Variants in ADAD2 observed in about 807,000 individuals in gnomAD.
ADAD2 encodes adenosine deaminase domain-containing protein 2.
In ADAD2, 60 loss-of-function variants were observed where a neutral mutation model predicts 54.5. The ratio of observed to expected loss-of-function variants is 1.10; its 90% CI spans 0.89 to 1.36. The LOEUF is 1.36. Among genes scored for constraint, ADAD2 ranks in the 40% most tolerant of loss-of-function variants. The probability of loss-of-function intolerance (pLI) is 0.00; values close to 1 mark genes in which losing one functional copy is unlikely to be tolerated. For missense variants in ADAD2, 1,103 were observed against 801.3 expected, an observed-to-expected ratio of 1.38 and a Z score of -4.54; for synonymous variants, 543 against 366.2, an observed-to-expected ratio of 1.48 and a Z score of -5.51.
Position 84,196,939 on chromosome 16 carries a change from C to T in ADAD2, c.1717C>T (p.Pro573Ser). ...LLDQQGLGAW[P>S]SKPLVGKFRN ...GGACCAGCAGGGCCTGGGGGCTTGG[C>T]CCTCGAAGCCACTGGTGGGCAAATT... Residue 573 changes from proline (P) to serine (S), a missense_variant, in exon 10 of 10, where the codon CCC becomes TCC. Physicochemically the swap from Pro to Ser is moderately conservative, Grantham distance 74. Transcript: ENST00000315906. 6.2e-7 allele frequency: 1 copy of T among 1,604,490 alleles called. No individual in the cohort carries two copies. The highest frequency in any genetic ancestry group is 8.5e-7 in the Non-Finnish European group (1 of 1,176,748).
At position 84,191,250 on chromosome 16, in the gene ADAD2, G is replaced by A. The variant is rs146687643; in HGVS notation, c.20G>A (p.Gly7Asp). The A allele has an allele frequency of 1.2e-5, 19 of 1,607,970 alleles. No homozygotes were observed. The highest frequency in any genetic ancestry group is 1.6e-5 in the Non-Finnish European group (19 of 1,177,360). ...GCGGCCATGGCTTCGGCTTCTCAGG[G>A]CGCTGACGACGACGGCAGTCGTAGG... MASASQ[G>D]ADDDGSRRKP... Residue 7 changes from glycine (G) to aspartate (D), a missense_variant, in exon 1 of 10, where the codon GGC becomes GAC. Transcript: ENST00000315906.
rs933501703 is a variant in ADAD2, at chr16:84,191,276, A to T, written c.46A>T (p.Lys16Ter). ...CGCTGACGACGACGGCAGTCGTAGG[A>T]AGCCCCGCCTGGCTGCATCGTTGCA... ...QGADDDGSRR[K>*]PRLAASLQIS... The change falls in exon 1 of 10, where the codon AAG becomes TAG. Residue 16 changes from lysine to a stop codon, truncating the protein, a stop_gained. Transcript: ENST00000315906. LOFTEE classifies it high-confidence loss of function. 3 of 1,588,664 alleles carry T rather than the reference A, an allele frequency of 1.9e-6. No individual in the cohort carries two copies. Among genetic ancestry groups the T allele is most frequent in the Non-Finnish European group, 2.6e-6 (3 of 1,171,064 alleles).
In ADAD2 at chr16:84,195,094, C is replaced by T. The variant is rs2089709150; in HGVS notation, c.633C>T (p.Arg211=). The change falls in exon 4 of 10, where the codon CGC becomes CGT. Residue 211 remains arginine (R), a synonymous_variant. Coordinates refer to ENST00000315906, the MANE Select transcript of ADAD2 (RefSeq NM_001145400.2). ...SVENILTHEQ[R]CAALVSAGFD... ...AGAACATCCTGACCCATGAGCAGCG[C>T]TGCGCAGCGTTGGTGAGCGCCGGCT... 1 of 1,613,610 alleles carries T rather than the reference C, an allele frequency of 6.2e-7. No homozygotes were observed. The highest frequency in any genetic ancestry group is 1.7e-5 in the Admixed American group (1 of 59,994).
Position 84,196,350 on chromosome 16 carries a change from C to T in ADAD2, c.1506C>T (p.Ala502=). ...CTGGCATCGAGGTTGTGGATGTGGCCACCGGGCGTGTGAAGGCCAAGTGAG... is the reference window on the plus strand; with the variant it reads ...CTGGCATCGAGGTTGTGGATGTGGCTACCGGGCGTGTGAAGGCCAAGTGAG... ...GDPGIEVVDV[A]TGRVKANAAL... The change falls in exon 8 of 10, where the codon GCC becomes GCT. Residue 502 remains alanine (A), a synonymous_variant. Coordinates refer to ENST00000315906, the MANE Select transcript of ADAD2 (RefSeq NM_001145400.2). 2 of 1,612,364 alleles carry T rather than the reference C, an allele frequency of 1.2e-6. No individual in the cohort carries two copies. Among genetic ancestry groups the T allele is most frequent in the Non-Finnish European group, 1.7e-6 (2 of 1,179,676 alleles).
At chr16:84,194,215 G>A (rs760743719) in intron 1 of ADAD2, 1 of 1,562,164 alleles carries the variant, frequency 6.4e-7, no homozygotes, top group African/African-American at 1.4e-5. Context: ...TGCTGTGGAG[G>A]AGTTGGGTGA....
intron 1 of ADAD2, chr16:84,191,851 C>T (rs1375355588): frequency 1.3e-6 from 1 of 752,438 alleles, no homozygotes; most frequent in Non-Finnish European, 2.3e-6. Context: ...ACCAGCCACA[C>T]CAGATGCTCA....
At position 84,194,456 on chromosome 16, in the gene ADAD2, T is replaced by A; in HGVS notation, c.433T>A (p.Phe145Ile). Residue 145 changes from phenylalanine to isoleucine, a missense_variant, in exon 2 of 10, where the codon TTC (phenylalanine) becomes ATC (isoleucine). Coordinates refer to ENST00000315906, the MANE Select transcript of ADAD2 (RefSeq NM_001145400.2). ...TCCTTCCCCAGGTCCCTGCTTCCCC[T>A]TCTCGGTGAGCGCGGAACTGGATGG... is the stretch of plus-strand genomic sequence containing the variant. ...EDQPPGPCFP[F>I]SVSAELDGVV... 1 of 1,606,300 alleles carries A rather than the reference T, an allele frequency of 6.2e-7. No individual in the cohort carries two copies. Among genetic ancestry groups the A allele is most frequent in the Non-Finnish European group, 8.5e-7 (1 of 1,179,480 alleles).
chr16:84,191,482 G>A lies in ADAD2; in HGVS notation c.252G>A (p.Trp84Ter). 1 of 1,539,300 alleles carries A rather than the reference G, an allele frequency of 6.5e-7. No homozygotes were observed. The highest frequency in any genetic ancestry group is 8.7e-7 in the Non-Finnish European group (1 of 1,144,446). Residue 84 changes from tryptophan to a stop codon, truncating the protein, a stop_gained, in exon 1 of 10, where the codon TGG (tryptophan) becomes TGA (stop). Coordinates refer to ENST00000315906, the MANE Select transcript of ADAD2 (RefSeq NM_001145400.2). LOFTEE classifies it high-confidence loss of function. ...GGGAACTGGGGGCAGCCCGGGCGTG[G>A]GAAAACTTGGGGGAACAGATGGGGA... ...GVGELGAARA[W>*]ENLGEQMGKA...
intron 1 of ADAD2, among the ~76,000 whole-genome samples, chr16:84,192,359 A>G (rs996892392): frequency 1.3e-5 from 2 of 152,062 alleles, no homozygotes; most frequent in Non-Finnish European, 2.9e-5. Context: ...CATGTTGCCA[A>G]GATTGTTCTT....
At position 84,196,150 on chromosome 16, in the gene ADAD2, A is replaced by G. The variant is rs1444717090; in HGVS notation, c.1306A>G (p.Thr436Ala). ...AGCTGACTCATGCCACGACCCTCCGACTCTGAGCAGGGCCATCCACACCCG... is the reference window on the plus strand; with the variant it reads ...AGCTGACTCATGCCACGACCCTCCGGCTCTGAGCAGGGCCATCCACACCCG... ...ILADSCHDPP[T>A]LSRAIHTRPC... Residue 436 changes from threonine to alanine, a missense_variant, in exon 8 of 10, where the codon ACT (threonine) becomes GCT (alanine). Transcript: ENST00000315906. The G allele has an allele frequency of 6.2e-7, 1 of 1,603,556 alleles. No individual in the cohort carries two copies. The highest frequency in any genetic ancestry group is 8.5e-7 in the Non-Finnish European group (1 of 1,179,530).
Position 84,191,575 on chromosome 16 carries a change from G to A in ADAD2, c.345G>A (p.Gln115=), listed in dbSNP as rs1246672387. 1.4e-5 allele frequency: 22 copies of A among 1,549,438 alleles called. No individual in the cohort carries two copies. The highest frequency in any genetic ancestry group is 1.7e-5 in the Non-Finnish European group (20 of 1,146,920). ...SLPLKDPPAS[Q]AVSLLTEYAA... Reference sequence around the variant, plus strand: ...CGCTCAAAGACCCACCTGCCAGCCAGGCCGTGTCCTTGCTCACGGAGTACG... The same window carrying A: ...CGCTCAAAGACCCACCTGCCAGCCAAGCCGTGTCCTTGCTCACGGAGTACG... The change falls in exon 1 of 10, where the codon CAG becomes CAA. Residue 115 remains glutamine (Q), a synonymous_variant. Coordinates refer to ENST00000315906, the MANE Select transcript of ADAD2 (RefSeq NM_001145400.2).
intron 1 of ADAD2, chr16:84,194,030 CT>C (rs772819566): frequency 6.2e-7 from 1 of 1,601,902 alleles, no homozygotes; most frequent in African/African-American, 1.3e-5. Context: ...TATAGAGCCC[CT>C]GGAGGAGAGG....
Position 84,196,876 on chromosome 16 carries a change from C to A in ADAD2, c.1654C>A (p.Pro552Thr). 2 of 1,593,246 alleles carry A rather than the reference C, an allele frequency of 1.3e-6. 1 individual carries two copies. The highest frequency in any genetic ancestry group is 2.3e-5 in the South Asian group (2 of 88,318). ...LKTYEAAKAG[P>T]YQEARRQLSL... ...CTCTCATCTCCCGCCCTAGGCTGGGCCCTACCAGGAGGCTCGCAGGCAGCT... is the reference window on the plus strand; with the variant it reads ...CTCTCATCTCCCGCCCTAGGCTGGGACCTACCAGGAGGCTCGCAGGCAGCT... Residue 552 changes from proline (P) to threonine (T), a missense_variant, in exon 10 of 10, where the codon CCC becomes ACC. Transcript: ENST00000315906.
intron 4 of ADAD2, 37 bp from the exon 5 acceptor site, chr16:84,195,259 G>A (rs774642357): frequency 6.2e-7 from 1 of 1,611,778 alleles, no homozygotes; most frequent in Non-Finnish European, 8.5e-7. Context: ...CAAGCTCCTT[G>A]CCTTAGGCTG....
At position 84,191,641 on chromosome 16, in the gene ADAD2, G is replaced by A; in HGVS notation, c.411G>A (p.Gln137=). The A allele has an allele frequency of 1.3e-6, 2 of 1,557,878 alleles. No homozygotes were observed. The highest frequency in any genetic ancestry group is 1.2e-5 in the South Asian group (1 of 84,788). Residue 137 remains glutamine, a synonymous_variant, in exon 1 of 10, where the codon CAG becomes CAA. Coordinates refer to ENST00000315906, the MANE Select transcript of ADAD2 (RefSeq NM_001145400.2). ...LGIFLLFRED[Q]PPGPCFPFSV... is the part of the protein sequence containing the mutation. ...TCTTCCTGCTCTTCCGGGAGGACCA[G>A]CCACCAGGTGAGGCCGGGCCGGGGC...
chr16:84,191,439 G>C lies in ADAD2; in HGVS notation c.209G>C (p.Gly70Ala). The change falls in exon 1 of 10, where the codon GGG becomes GCG. Residue 70 changes from glycine (G) to alanine (A), a missense_variant. Transcript: ENST00000315906. ...TCGGTGTTGAGGGACAGTGGGCCTG[G>C]GGCAGGGGCCGGAGTCGGGGAACTG... Reference protein sequence around the residue: ...QVSVLRDSGPGAGAGVGELGA... With the variant: ...QVSVLRDSGPAAGAGVGELGA... 1 of 1,515,224 alleles carries C rather than the reference G, an allele frequency of 6.6e-7. No homozygotes were observed. The highest frequency in any genetic ancestry group is 1.4e-5 in the African/African-American group (1 of 71,698). 93.9% of individuals were successfully genotyped at this position (1,515,224 alleles called of 1,614,324 possible).
chr16:84,191,530 C>G lies in ADAD2; in HGVS notation c.300C>G (p.Pro100=), dbSNP rs538269915. 3.2e-5 allele frequency: 50 copies of G among 1,546,846 alleles called. No homozygotes were observed. Among genetic ancestry groups the G allele is most frequent in the Non-Finnish European group, 2.1e-5 (24 of 1,146,670 alleles). Residue 100 remains proline, a synonymous_variant, in exon 1 of 10, where the codon CCC becomes CCG. Coordinates refer to ENST00000315906, the MANE Select transcript of ADAD2 (RefSeq NM_001145400.2). The part of the protein sequence containing the change: ...QMGKAPRVPV[P]PAGLSLPLKD... ...GGAAGGCCCCGAGGGTCCCTGTGCC[C>G]CCAGCAGGGCTCAGCCTGCCGCTCA...
chr16:84,191,624 C>T lies in ADAD2; in HGVS notation c.394C>T (p.Leu132Phe), dbSNP rs200040548. 1 of 1,555,746 alleles carries T rather than the reference C, an allele frequency of 6.4e-7. No homozygotes were observed. Among genetic ancestry groups the T allele is most frequent in the Non-Finnish European group, 8.7e-7 (1 of 1,149,964 alleles). ...CGCGGCCAGCCTGGGCATCTTCCTG[C>T]TCTTCCGGGAGGACCAGCCACCAGG... ...EYAASLGIFL[L>F]FREDQPPGPC... is the part of the protein sequence containing the mutation. The change falls in exon 1 of 10, where the codon CTC (leucine) becomes TTC (phenylalanine). Residue 132 changes from leucine (L) to phenylalanine (F), a missense_variant. Physicochemically the swap from Leu to Phe is conservative, Grantham distance 22. Transcript: ENST00000315906.
intron 1 of ADAD2, chr16:84,191,956 C>T (rs2089662014): frequency 2.0e-6 from 1 of 506,238 alleles, no homozygotes; most frequent in Non-Finnish European, 3.6e-6. Flanking sequence ...TTTAGAGCCA[C>T]TTACATGCAA....
Sources: gnomAD v4.1 joint callset for allele counts (sites outside exome capture counted in the v4.1 genomes callset) on GRCh38, gnomAD v4.1.1 for gene constraint, MANE v1.5 for transcripts, NCBI Gene and HGNC (gene_info 2026-07-23, HGNC 2026-07-21) for gene names.